Variants in TNFSF14 observed in about 807,000 individuals in gnomAD.
TNFSF14 encodes the protein TNF superfamily member 14, also known as tumor necrosis factor ligand superfamily member 14.
A neutral mutation model predicts 22.7 loss-of-function variants in TNFSF14; 15 were observed. The observed-to-expected ratio is 0.66, with a 90% CI of 0.44 to 1.02. TNFSF14 has a LOEUF of 1.02. TNFSF14 is among the 50% of genes least tolerant of loss of function. TNFSF14 has a pLI of 0.00. For missense variants in TNFSF14, 287 were observed against 326.2 expected (o/e 0.88, Z 0.93); for synonymous variants, 133 against 139.6 (o/e 0.95, Z 0.33).
At position 6,665,026 on chromosome 19, in the gene TNFSF14, T is replaced by A; in HGVS notation, c.623A>T (p.His208Leu). Residue 208 changes from histidine (H) to leucine (L), a missense_variant, in exon 4 of 4, where the codon CAC (histidine) becomes CTC (leucine). Physicochemically the swap from His to Leu is moderately conservative, Grantham distance 99. Transcript: ENST00000675206. ...GACCACCTTCTCCCCAGCCTCCAGG[T>A]GTACCACACCACCCAGGAAGCTGCT... ...WDSSFLGGVV[H>L]LEAGEKVVVR... 1.2e-6 allele frequency: 2 copies of A among 1,614,044 alleles called. No individual in the cohort carries two copies. Among genetic ancestry groups the A allele is most frequent in the Non-Finnish European group, 1.7e-6 (2 of 1,179,938 alleles).
intron 3 of TNFSF14, 73 bp from the exon 4 acceptor site, chr19:6,665,423 GT>G: frequency 7.0e-7 from 1 of 1,427,184 alleles, no homozygotes; most frequent in Non-Finnish European, 9.2e-7. Context: ...TTGTTTGTTT[GT>G]TTGACACAGA....
At position 6,669,737 on chromosome 19, in the gene TNFSF14, T is replaced by TACAC. The variant is rs34381198; in HGVS notation, c.219+110_219+113dup. On this transcript the variant is annotated intron_variant, in intron 1 of 3. Coordinates refer to ENST00000675206, the MANE Select transcript of TNFSF14 (RefSeq NM_001376887.1). ...GCTGCTCTCAGCCTGTGCCCTGTCC[T>TACAC]ACACACACACACACACACACACACA... is the stretch of plus-strand genomic sequence containing the variant. The TACAC allele has an allele frequency of 6.5e-3, 8,024 of 1,228,428 alleles. 15 individuals are homozygous for TACAC. Among genetic ancestry groups the TACAC allele is most frequent in the South Asian group, 0.027 (1,842 of 68,378 alleles). The allele number at this position is 1,228,428 out of a possible 1,614,324, so 76.1% of individuals were successfully genotyped here. A position where few individuals can be genotyped will look rare whatever the true frequency, so the allele number is the denominator to read the frequency against.
At chr19:6,666,996 A>T in intron 3 of TNFSF14, 117 bp downstream of exon 3, 1 of 1,083,702 alleles carries the variant, frequency 9.2e-7, no homozygotes, top group Non-Finnish European at 1.3e-6. Flanking sequence ...TGTTCTGAGC[A>T]ACTCTGTGAG....
chr19:6,665,761 TTGTGTGTGTGTGTGCATGTGTGCGTG>T (rs1263357606), intron 3 of TNFSF14, among the ~76,000 whole-genome samples: 2 of 147,968 alleles, frequency 1.4e-5, no homozygotes, highest in Non-Finnish European at 3.0e-5. Flanking sequence ...ACTAGGCTGT[TTGTGTGTGTGTGTGCATGTGTGCGTG>T]TGTGTGTGTG....
At chr19:6,669,174 C>T (rs989404789) in intron 1 of TNFSF14, among the ~76,000 whole-genome samples, 3 of 151,962 alleles carry the variant, frequency 2.0e-5, no homozygotes, top group African/African-American at 7.2e-5. Context: ...ATGACAATCG[C>T]AGTAACAGTA....
At chr19:6,665,379 T>C (rs1917386655) in intron 3 of TNFSF14, 29 bp from the exon 4 acceptor site, 3 of 1,507,736 alleles carry the variant, frequency 2.0e-6, no homozygotes, top group Non-Finnish European at 2.7e-6. Flanking sequence ...CAAAGGGGGC[T>C]GCCGGTCAGC....
rs35598085 is a variant in TNFSF14, at chr19:6,665,784, CGTGTGTGTGT to C, written c.299-444_299-435del. On this transcript the variant is annotated intron_variant, in intron 3 of 3. Coordinates refer to ENST00000675206, the MANE Select transcript of TNFSF14 (RefSeq NM_001376887.1). ...GTTTGTGTGTGTGTGTGCATGTGTG[CGTGTGTGTGT>C]GTGTGTGTGTGTGTGTGTGTGTGTG... 1.6e-3 allele frequency among the ~76,000 whole-genome samples: 227 copies of C among 140,666 alleles called. 1 individual carries two copies. Among genetic ancestry groups the C allele is most frequent in the African/African-American group, 5.5e-3 (208 of 37,804 alleles). The allele number at this position is 140,666 out of a possible 152,430, so 92.3% of individuals were successfully genotyped here. A position where few individuals can be genotyped will look rare whatever the true frequency, so the allele number is the denominator to read the frequency against.
In TNFSF14 at chr19:6,665,234, C is replaced by T. The variant is rs1445162801; in HGVS notation, c.415G>A (p.Gly139Ser). Residue 139 changes from glycine to serine, a missense_variant, in exon 4 of 4, where the codon GGC becomes AGC. Transcript: ENST00000675206. The part of the protein sequence containing the change: ...HDGALVVTKA[G>S]YYYIYSKVQL... ...ACCTTGGAGTAGATGTAGTAGTAGCCAGCTTTGGTGACCACAAGGGCCCCA... is the reference window on the plus strand; with the variant it reads ...ACCTTGGAGTAGATGTAGTAGTAGCTAGCTTTGGTGACCACAAGGGCCCCA... 6.2e-7 allele frequency: 1 copy of T among 1,614,126 alleles called. No individual in the cohort carries two copies. Among genetic ancestry groups the T allele is most frequent in the Non-Finnish European group, 8.5e-7 (1 of 1,180,026 alleles).
Position 6,665,213 on chromosome 19 carries a change from T to TGGAGTA in TNFSF14, c.430_435dup (p.Tyr144_Ser145dup). 1 of 1,614,096 alleles carries TGGAGTA rather than the reference T, an allele frequency of 6.2e-7. No homozygotes were observed. Among genetic ancestry groups the TGGAGTA allele is most frequent in the Non-Finnish European group, 8.5e-7 (1 of 1,180,016 alleles). ...CAGCCCACACCGCCCAGCTGCACCT[T>TGGAGTA]GGAGTAGATGTAGTAGTAGCCAGCT... On this transcript the variant is annotated inframe_insertion, in exon 4 of 4. Coordinates refer to ENST00000675206, the MANE Select transcript of TNFSF14 (RefSeq NM_001376887.1).
In TNFSF14 at chr19:6,663,336, G is replaced by A. The variant is rs1435527928; in HGVS notation, c.*1590C>T. ...TGTGTGTCATTGTGATGTTGTGTGT[G>A]TGTAATGTTGTGTTTGTCATTGTGA... On this transcript the variant is annotated 3_prime_UTR_variant, in exon 4 of 4. Transcript: ENST00000675206. The A allele has an allele frequency of 7.0e-6, 1 of 142,946 alleles. No individual in the cohort carries two copies. Among genetic ancestry groups the A allele is most frequent in the Non-Finnish European group, 1.6e-5 (1 of 63,450 alleles). 8.9% of individuals were successfully genotyped at this position (142,946 alleles called of 1,614,324 possible).
intron 2 of TNFSF14, 38 bp from the exon 3 acceptor site, chr19:6,667,192 T>C: frequency 1.3e-6 from 2 of 1,531,912 alleles, no homozygotes; most frequent in South Asian, 1.2e-5. Flanking sequence ...ACGAAGACAG[T>C]GGAGGTAAAA....
Position 6,665,216 on chromosome 19 carries a change from A to G in TNFSF14, c.433T>C (p.Ser145Pro). The G allele has an allele frequency of 6.2e-7, 1 of 1,613,950 alleles. No homozygotes were observed. The highest frequency in any genetic ancestry group is 8.5e-7 in the Non-Finnish European group (1 of 1,179,986). The change falls in exon 4 of 4, where the codon TCC becomes CCC. Residue 145 changes from serine to proline, a missense_variant. By Grantham distance (74) the Ser-to-Pro change is moderately conservative. Coordinates refer to ENST00000675206, the MANE Select transcript of TNFSF14 (RefSeq NM_001376887.1). ...CCCACACCGCCCAGCTGCACCTTGG[A>G]GTAGATGTAGTAGTAGCCAGCTTTG... ...VTKAGYYYIY[S>P]KVQLGGVGCP...
chr19:6,668,252 A>G (rs1917485374), intron 1 of TNFSF14, among the ~76,000 whole-genome samples: 1 of 151,602 alleles, frequency 6.6e-6, no homozygotes. Context: ...AGTCCCAGCT[A>G]CTCATGAAGC....
At chr19:6,666,942 TAATAA>T (rs1173769980) in intron 3 of TNFSF14, among the ~76,000 whole-genome samples, 166 bp downstream of exon 3, 2 of 150,754 alleles carry the variant, frequency 1.3e-5, no homozygotes, top group Non-Finnish European at 3.0e-5. Flanking sequence ...AAATAAAAAA[TAATAA>T]AATAAATAAA....
intron 1 of TNFSF14, 100 bp downstream of exon 1, chr19:6,669,751 C>G (rs1917541318): frequency 1.3e-6 from 2 of 1,501,568 alleles, no homozygotes; most frequent in Non-Finnish European, 1.8e-6. Context: ...CACACACACA[C>G]ACACACACAC....
chr19:6,670,277 C>T, upstream of TNFSF14: 2 of 1,425,052 alleles, frequency 1.4e-6, no homozygotes, highest in Non-Finnish European at 1.8e-6. Flanking sequence ...GTCTCACTCT[C>T]ACTCATACAG....
Position 6,664,878 on chromosome 19 carries a change from G to T in TNFSF14, c.*48C>A. 1 of 1,530,518 alleles carries T rather than the reference G, an allele frequency of 6.5e-7. No homozygotes were observed. Among genetic ancestry groups the T allele is most frequent in the South Asian group, 1.2e-5 (1 of 80,044 alleles). The allele number at this position is 1,530,518 out of a possible 1,614,324, so 94.8% of individuals were successfully genotyped here. On this transcript the variant is annotated 3_prime_UTR_variant, in exon 4 of 4. Transcript: ENST00000675206. This position sits in a 1 kb window ranked among gnomAD's most constrained non-coding sequence, Gnocchi z 4.7. ...TTTTCTTTCCCCTGAGGCACCCTCT[G>T]AGTTCTCCACGTGTCAGACCCATGT...
rs776587621 is a variant in TNFSF14 at position 6,665,112 on chromosome 19, C to G, written c.537G>C (p.Leu179=). 1.2e-6 allele frequency: 2 copies of G among 1,614,038 alleles called. No homozygotes were observed. The highest frequency in any genetic ancestry group is 3.3e-5 in the Admixed American group (2 of 60,018). ...RTPRYPEELE[L]LVSQQSPCGR... ...CGCAGGGTGACTGCTGGCTGACCAA[C>G]AGCTCCAGCTCCTCGGGGTAGCGGG... The change falls in exon 4 of 4, where the codon CTG becomes CTC. Residue 179 remains leucine, a synonymous_variant. Transcript: ENST00000675206.
At chr19:6,667,325 T>C (rs1917460399) in intron 2 of TNFSF14, 88 bp downstream of exon 2, 1 of 1,474,490 alleles carries the variant, frequency 6.8e-7, no homozygotes, top group Admixed American at 2.6e-5. Flanking sequence ...TGGCCAGTTG[T>C]GCAAATCATA....
Sources: gnomAD v4.1 joint callset for allele counts (sites outside exome capture counted in the v4.1 genomes callset) on GRCh38, gnomAD v4.1.1 for gene constraint, Gnocchi (gnomAD v3.1) non-coding constraint, MANE v1.5 for transcripts, NCBI Gene and HGNC (gene_info 2026-07-23, HGNC 2026-07-21) for gene names.